The following PDGFRL variants were observed in gnomAD, a reference collection of about 807,000 sequenced individuals.
PDGFRL encodes the protein platelet-derived growth factor receptor-like protein.
A neutral mutation model predicts 37.2 loss-of-function variants in PDGFRL; 46 were observed. That is an observed-to-expected ratio of 1.24 (90% CI 0.98 to 1.58). The LOEUF (loss-of-function observed/expected upper bound fraction) is 1.58, where lower values mean the gene tolerates loss of function less well. Ranked by LOEUF, PDGFRL falls within the 40% of genes most tolerant of loss-of-function variation. The pLI is 0.00. For synonymous variants in PDGFRL, 251 were observed against 184.3 expected (o/e 1.36, Z -2.93); for missense variants, 692 against 467.6 (o/e 1.48, Z -4.43).
In PDGFRL at chr8:17,634,082, G is replaced by C; in HGVS notation, c.808G>C (p.Gly270Arg). Residue 270 changes from glycine to arginine, a missense_variant, in exon 5 of 6, where the codon GGC becomes CGC. Gly to Arg is a moderately radical substitution (Grantham distance 125). Transcript: ENST00000251630. ...YQLLYVAVPS[G>R]PPSTTILASS... ...TTCGTGCTTGCTTCCAGTTCCCAGTGGCCCTCCCTCAACAACCATCTTGGC... is the reference window on the plus strand; with the variant it reads ...TTCGTGCTTGCTTCCAGTTCCCAGTCGCCCTCCCTCAACAACCATCTTGGC... 1 of 1,614,036 alleles carries C rather than the reference G, an allele frequency of 6.2e-7. No homozygotes were observed. The highest frequency in any genetic ancestry group is 8.5e-7 in the Non-Finnish European group (1 of 1,179,898).
intron 2 of PDGFRL, among the ~76,000 whole-genome samples, chr8:17,596,722 T>A (rs768146648): frequency 2.0e-5 from 3 of 151,948 alleles, no homozygotes; most frequent in Non-Finnish European, 4.4e-5. Flanking sequence ...AAGAAAGTAA[T>A]GACAGATGTG....
chr8:17,586,014 C>T (rs965981592), intron 1 of PDGFRL, among the ~76,000 whole-genome samples: 2 of 152,024 alleles, frequency 1.3e-5, no homozygotes, highest in African/African-American at 2.4e-5. Flanking sequence ...TGCAGTGGTG[C>T]GATCTCAGCT....
intron 1 of PDGFRL, among the ~76,000 whole-genome samples, chr8:17,584,705 T>C (rs1230846690): frequency 1.5e-5 from 2 of 134,460 alleles, no homozygotes; most frequent in Non-Finnish European, 3.2e-5. Flanking sequence ...AGGATCTAAT[T>C]CTCAGAAACT....
In PDGFRL at chr8:17,621,192, CT is replaced by C; in HGVS notation, c.501del (p.Phe167LeufsTer20). The C allele has an allele frequency of 2.5e-6, 4 of 1,607,030 alleles. No homozygotes were observed. The highest frequency in any genetic ancestry group is 3.4e-6 in the Non-Finnish European group (4 of 1,175,052). On this transcript the variant is annotated frameshift_variant, in exon 3 of 6. Coordinates refer to ENST00000251630, the MANE Select transcript of PDGFRL (RefSeq NM_001372073.1). LOFTEE classifies it high-confidence loss of function. ...DEAKTGSTYIFFTEKGELFVP... is the reference protein window; with the variant it reads ...DEAKTGSTYIXFTEKGELFVP... The stretch of plus-strand genomic sequence containing the variant: ...AGGCCAAAACGGGCTCCACCTACAT[CT>C]TTTTTACAGGTAAAATACTTGGTGC...
chr8:17,589,416 A>T, intron 1 of PDGFRL, 52 bp from the exon 2 acceptor site: 1 of 1,383,182 alleles, frequency 7.2e-7, no homozygotes, highest in Non-Finnish European at 9.9e-7. Flanking sequence ...GGCCTCAAAT[A>T]TTCCAAAAAT....
intron 4 of PDGFRL, among the ~76,000 whole-genome samples, chr8:17,633,865 C>A (rs1804911658): frequency 6.6e-6 from 1 of 152,144 alleles, no homozygotes; most frequent in South Asian, 2.1e-4. Context: ...GTCCTGGTGC[C>A]TACCCCATTC....
At chr8:17,629,477 C>T (rs537382012) in intron 4 of PDGFRL, among the ~76,000 whole-genome samples, 7 of 152,256 alleles carry the variant, frequency 4.6e-5, no homozygotes, top group South Asian at 4.1e-4. Flanking sequence ...TTCATTCCCA[C>T]GTCAAGGCTG....
At chr8:17,577,002 C>T, upstream of PDGFRL, 1 of 575,618 alleles carries the variant, frequency 1.7e-6, no homozygotes, top group Non-Finnish European at 3.0e-6. Context: ...CACGCTTAGC[C>T]TTTCCTCCCC....
At chr8:17,598,151 G>A (rs560244847) in intron 2 of PDGFRL, among the ~76,000 whole-genome samples, 13 of 152,304 alleles carry the variant, frequency 8.5e-5, no homozygotes, top group Non-Finnish European at 1.9e-4. Context: ...TTCCTGCAGT[G>A]AGAATAAAGA....
chr8:17,583,773 G>A (rs1327603510), intron 1 of PDGFRL, among the ~76,000 whole-genome samples: 1 of 152,090 alleles, frequency 6.6e-6, no homozygotes, highest in Non-Finnish European at 1.5e-5. Context: ...TGGTTAAAAG[G>A]AGGCTTGCAC....
chr8:17,611,336 ATTCTC>A (rs1804407671), intron 2 of PDGFRL, among the ~76,000 whole-genome samples: 1 of 152,258 alleles, frequency 6.6e-6, no homozygotes. Flanking sequence ...CACTCACTGA[ATTCTC>A]TTCTATTCTG....
intron 3 of PDGFRL, among the ~76,000 whole-genome samples, chr8:17,624,509 G>A (rs755305015): frequency 1.3e-5 from 2 of 152,026 alleles, no homozygotes; most frequent in African/African-American, 2.4e-5. Flanking sequence ...ACAGGCACAT[G>A]TAACTCCCAC....
At chr8:17,590,065 A>C (rs1260298185) in intron 2 of PDGFRL, among the ~76,000 whole-genome samples, 6 of 151,306 alleles carry the variant, frequency 4.0e-5, no homozygotes, top group Non-Finnish European at 8.8e-5. Context: ...TCCCGTCTCT[A>C]TTAAAAATAC....
chr8:17,643,034 G>T lies in PDGFRL; in HGVS notation c.*233G>T. The stretch of plus-strand genomic sequence containing the variant: ...TGATTTTGATTGCTTACCTACATAC[G>T]TGTTCCTAGTTTTTATACATGTGTA... On this transcript the variant is annotated 3_prime_UTR_variant, in exon 6 of 6. Transcript: ENST00000251630. 1 of 430,274 alleles carries T rather than the reference G, an allele frequency of 2.3e-6. No homozygotes were observed. The highest frequency in any genetic ancestry group is 4.1e-6 in the Non-Finnish European group (1 of 246,192). The allele number at this position is 430,274 out of a possible 1,614,324, so 26.7% of individuals were successfully genotyped here.
rs537571554 is a variant in PDGFRL, at chr8:17,590,100, A to G, written c.353+335A>G. 2.0e-5 allele frequency among the ~76,000 whole-genome samples: 3 copies of G among 151,562 alleles called. No individual in the cohort carries two copies. In the East Asian group the frequency reaches 5.9e-4, roughly 30 times the overall value. ...CAGAAAATTAGCTGGGCGTGGTGGCAGGTGCCTGTAGTCCCAGCTACTCAG... is the reference window on the plus strand; with the variant it reads ...CAGAAAATTAGCTGGGCGTGGTGGCGGGTGCCTGTAGTCCCAGCTACTCAG... On this transcript the variant is annotated intron_variant, in intron 2 of 5. Coordinates refer to ENST00000251630, the MANE Select transcript of PDGFRL (RefSeq NM_001372073.1).
intron 1 of PDGFRL, among the ~76,000 whole-genome samples, chr8:17,587,738 G>A (rs1803847105): frequency 6.6e-6 from 1 of 151,414 alleles, no homozygotes; most frequent in South Asian, 2.1e-4. Flanking sequence ...AGCAGTTCTT[G>A]TGCCTCAGCC....
intron 2 of PDGFRL, among the ~76,000 whole-genome samples, chr8:17,604,015 G>T (rs558047971): frequency 1.3e-5 from 2 of 152,228 alleles, no homozygotes; most frequent in South Asian, 2.1e-4. Flanking sequence ...TGGGAAGGAG[G>T]TTAGGAGGAG....
At chr8:17,631,266 C>A (rs1279037453) in intron 4 of PDGFRL, among the ~76,000 whole-genome samples, 1 of 152,088 alleles carries the variant, frequency 6.6e-6, no homozygotes, top group Non-Finnish European at 1.5e-5. Flanking sequence ...CACTGTAGTC[C>A]CTCAAAGGTG....
chr8:17,641,896 T>TCCCCGCCCCCCCCCCCCCCCACC (rs67098871), intron 5 of PDGFRL, among the ~76,000 whole-genome samples: 1 of 103,886 alleles, frequency 9.6e-6, no homozygotes, highest in Non-Finnish European at 1.8e-5. Flanking sequence ...TCAATAGAGG[T>TCCCCGCCCCCCCCCCCCCCCACC]CCCCGCCACA....
Sources: gnomAD v4.1 joint callset for allele counts (sites outside exome capture counted in the v4.1 genomes callset) on GRCh38, gnomAD v4.1.1 for gene constraint, MANE v1.5 for transcripts, NCBI Gene and HGNC (gene_info 2026-07-23, HGNC 2026-07-21) for gene names.